The following DLGAP2 variants were observed in gnomAD, a reference collection of about 807,000 sequenced individuals.
The protein encoded by DLGAP2 is DLG associated protein 2.
Under a neutral mutation model 100.3 loss-of-function variants are expected in DLGAP2, and 26 were observed. That is an observed-to-expected ratio of 0.26 (90% CI 0.19 to 0.36). DLGAP2 has a LOEUF of 0.36. Ranked by LOEUF, DLGAP2 falls within the 10% of genes least tolerant of loss-of-function variation. DLGAP2 has a pLI of 1.00. For missense variants in DLGAP2, 1,858 were observed against 1,453.2 expected (o/e 1.28, Z -4.53); for synonymous variants, 886 against 630.1 (o/e 1.41, Z -6.08).
At chr8:1,163,701 C>G (rs1009770880) in intron 2 of DLGAP2, among the ~76,000 whole-genome samples, 1 of 152,178 alleles carries the variant, frequency 6.6e-6, no homozygotes, top group African/African-American at 2.4e-5. Flanking sequence ...CTTGTAATGA[C>G]TGGGCACATT....
At chr8:1,356,305 C>T (rs927733144) in intron 3 of DLGAP2, among the ~76,000 whole-genome samples, 1 of 152,222 alleles carries the variant, frequency 6.6e-6, no homozygotes, top group Non-Finnish European at 1.5e-5. Flanking sequence ...TGTATCACTC[C>T]CCTCACCTTA....
In DLGAP2 at chr8:889,586, G is replaced by A. The variant is rs969290996; in HGVS notation, c.19-18326G>A. 5.4e-4 allele frequency among the ~76,000 whole-genome samples: 83 copies of A among 152,354 alleles called. 1 individual carries two copies. The highest frequency in any genetic ancestry group is 2.2e-4 in the Non-Finnish European group (15 of 68,034). ...CTCTGGACACAGACGGCCACAGGGT[G>A]TGTTGCGCTGTGCAGACAAGTCTTG... On this transcript the variant is annotated intron_variant, in intron 1 of 14. Transcript: ENST00000637795.
At chr8:957,548 A>G (rs1053703584) in intron 2 of DLGAP2, among the ~76,000 whole-genome samples, 5 of 152,210 alleles carry the variant, frequency 3.3e-5, no homozygotes, top group African/African-American at 1.2e-4. Flanking sequence ...TTCTACCGTT[A>G]GAAACGGGCA....
chr8:1,315,588 C>T (rs1800720293), intron 3 of DLGAP2, among the ~76,000 whole-genome samples: 1 of 142,776 alleles, frequency 7.0e-6, no homozygotes, highest in African/African-American at 2.6e-5. Context: ...TGCAGCGTCT[C>T]TCCAACAGTG....
chr8:1,494,323 T>A (rs889175877), intron 3 of DLGAP2, among the ~76,000 whole-genome samples: 9 of 152,262 alleles, frequency 5.9e-5, no homozygotes, highest in African/African-American at 2.2e-4. Flanking sequence ...AACTTCCCCC[T>A]GAGAAGACGC....
At chr8:796,391 G>T (rs1459538747) in intron 1 of DLGAP2, among the ~76,000 whole-genome samples, 1 of 151,930 alleles carries the variant, frequency 6.6e-6, no homozygotes, top group Non-Finnish European at 1.5e-5. Context: ...GCCTTTCACG[G>T]TACCCTCAGG....
At chr8:786,972 T>C (rs1821883469) in intron 1 of DLGAP2, among the ~76,000 whole-genome samples, 1 of 152,206 alleles carries the variant, frequency 6.6e-6, no homozygotes, top group Non-Finnish European at 1.5e-5. Context: ...GAAGGCAGGT[T>C]TGGTCCTGTC....
At chr8:1,390,005 G>C (rs923763374) in intron 3 of DLGAP2, among the ~76,000 whole-genome samples, 3 of 152,168 alleles carry the variant, frequency 2.0e-5, no homozygotes, top group Admixed American at 1.3e-4. Context: ...TGCACCCACG[G>C]AGTGTGTCTG....
At position 786,831 on chromosome 8, in the gene DLGAP2, A is replaced by C. The variant is rs77618393; in HGVS notation, c.18+49006A>C. ...CGTTTTTTTTTTTTAACAGCGTCTCAGTGAGACCTGTGAACGTGGCTTCTT... is the reference window on the plus strand; with the variant it reads ...CGTTTTTTTTTTTTAACAGCGTCTCCGTGAGACCTGTGAACGTGGCTTCTT... On this transcript the variant is annotated intron_variant, in intron 1 of 14. Transcript: ENST00000637795. 5.0e-3 allele frequency among the ~76,000 whole-genome samples: 752 copies of C among 151,710 alleles called. 4 individuals are homozygous for C. The highest frequency in any genetic ancestry group is 0.017 in the African/African-American group (717 of 41,334).
chr8:988,406 A>G (rs1193488762), intron 2 of DLGAP2, among the ~76,000 whole-genome samples: 1 of 152,178 alleles, frequency 6.6e-6, no homozygotes, highest in Non-Finnish European at 1.5e-5. Flanking sequence ...ACTCAGCCTT[A>G]AATTCTCTTA....
chr8:1,188,217 C>T lies in DLGAP2; in HGVS notation c.74-70634C>T, dbSNP rs1388802521. On this transcript the variant is annotated intron_variant, in intron 2 of 14. Transcript: ENST00000637795. Reference sequence around the variant, plus strand: ...CTGTGACGTTTCCCTCACGGAATCTCACACGCCCGGGACTTCCGTGACGTT... The same window carrying T: ...CTGTGACGTTTCCCTCACGGAATCTTACACGCCCGGGACTTCCGTGACGTT... 8.3e-4 allele frequency among the ~76,000 whole-genome samples: 115 copies of T among 139,356 alleles called. 1 individual carries two copies. Among genetic ancestry groups the T allele is most frequent in the Admixed American group, 8.1e-3 (112 of 13,882 alleles). The allele number at this position is 139,356 out of a possible 152,430, so 91.4% of individuals were successfully genotyped here.
chr8:1,339,314 G>A (rs1801366289), intron 3 of DLGAP2, among the ~76,000 whole-genome samples: 1 of 151,610 alleles, frequency 6.6e-6, no homozygotes, highest in South Asian at 2.1e-4. Context: ...GGACCCGGGA[G>A]GGAATGCAGT....
intron 6 of DLGAP2, among the ~76,000 whole-genome samples, chr8:1,584,958 T>A (rs1414018940): frequency 6.6e-6 from 1 of 152,246 alleles, no homozygotes; most frequent in Non-Finnish European, 1.5e-5. Flanking sequence ...AGAAAAAATG[T>A]CCTTAACGTT....
Position 1,313,817 on chromosome 8 carries a change from C to T in DLGAP2, c.106+54934C>T, listed in dbSNP as rs144297459. Among the ~76,000 whole-genome samples the T allele has an allele frequency of 3.2e-3, 481 of 152,154 alleles. 2 individuals carry two copies. Among genetic ancestry groups the T allele is most frequent in the African/African-American group, 0.01 (420 of 41,516 alleles). ...GGAAGCAAGATCCAAGTTCAGCTGG[C>T]GCCAAAACTGAACCTTGATAACCAT... On this transcript the variant is annotated intron_variant, in intron 3 of 14. Transcript: ENST00000637795.
intron 2 of DLGAP2, among the ~76,000 whole-genome samples, chr8:910,884 C>T (rs371135664): frequency 1.3e-5 from 2 of 152,060 alleles, no homozygotes; most frequent in Non-Finnish European, 2.9e-5. Context: ...GCCTTGGGCG[C>T]GGTGTCCTGG....
chr8:1,156,975 T>A (rs1796803767), intron 2 of DLGAP2, among the ~76,000 whole-genome samples: 1 of 152,046 alleles, frequency 6.6e-6, no homozygotes. Flanking sequence ...TTCTCCACTG[T>A]TACAGCTCCT....
At chr8:886,034 C>T (rs192055355) in intron 1 of DLGAP2, among the ~76,000 whole-genome samples, 8 of 152,160 alleles carry the variant, frequency 5.3e-5, no homozygotes, top group African/African-American at 1.9e-4. Flanking sequence ...TGGTCCTGGG[C>T]TTTTTTTGGT....
At chr8:1,644,142 G>A (rs1460659786) in intron 8 of DLGAP2, among the ~76,000 whole-genome samples, 1 of 146,578 alleles carries the variant, frequency 6.8e-6, no homozygotes, top group Non-Finnish European at 1.5e-5. Context: ...ACCCCTCGGG[G>A]CTGAAACCAT....
At chr8:1,030,294 G>T (rs1801936928) in intron 2 of DLGAP2, among the ~76,000 whole-genome samples, 1 of 152,138 alleles carries the variant, frequency 6.6e-6, no homozygotes. Context: ...AGACTCTTGG[G>T]TCCCATTGTG....
Sources: allele counts gnomAD v4.1 joint callset (sites outside exome capture counted in the v4.1 genomes callset), GRCh38; gene constraint gnomAD v4.1.1; transcripts MANE v1.5; gene names NCBI Gene and HGNC (gene_info 2026-07-23, HGNC 2026-07-21).